COP1: variants seen among roughly 807,000 people sequenced by gnomAD.
COP1 encodes E3 ubiquitin-protein ligase COP1.
COP1 carries 24 observed loss-of-function variants against 101.3 expected under a neutral mutation model. The ratio of observed to expected loss-of-function variants is 0.24; its 90% CI spans 0.17 to 0.33. The LOEUF is 0.33. Ranked by LOEUF, COP1 falls within the 10% of genes least tolerant of loss-of-function variation. The pLI is 1.00. For synonymous variants in COP1, 347 were observed against 341.9 expected (o/e 1.01, Z -0.17); for missense variants, 663 against 906.2 (o/e 0.73, Z 3.45).
chr1:176,027,019 A>G (rs1358063349), intron 15 of COP1, among the ~76,000 whole-genome samples: 1 of 152,208 alleles, frequency 6.6e-6, no homozygotes, highest in African/African-American at 2.4e-5. Context: ...AAACACCGAC[A>G]TATGGTCACC....
At chr1:175,957,002 A>G (rs1650735353) in intron 18 of COP1, among the ~76,000 whole-genome samples, 4 of 152,216 alleles carry the variant, frequency 2.6e-5, no homozygotes, top group Admixed American at 2.6e-4. Context: ...AGCTTACAGA[A>G]TAAGGAAAAA....
chr1:175,994,769 G>C (rs1379847814), intron 15 of COP1, among the ~76,000 whole-genome samples: 3 of 152,122 alleles, frequency 2.0e-5, no homozygotes, highest in African/African-American at 7.2e-5. Flanking sequence ...CCTACAAAGA[G>C]ACTTAGACTC....
chr1:176,036,105 A>G (rs979469295), intron 14 of COP1, among the ~76,000 whole-genome samples: 1 of 152,222 alleles, frequency 6.6e-6, no homozygotes, highest in African/African-American at 2.4e-5. Context: ...AATAGCAAAT[A>G]TAATAGTAAA....
intron 11 of COP1, among the ~76,000 whole-genome samples, chr1:176,046,604 A>G (rs568306606): frequency 1.3e-5 from 2 of 152,218 alleles, no homozygotes; most frequent in East Asian, 3.9e-4. Context: ...TCTAATAACC[A>G]TATTACAGCT....
At chr1:176,011,887 A>T (rs2148957734) in intron 15 of COP1, among the ~76,000 whole-genome samples, 1 of 152,218 alleles carries the variant, frequency 6.6e-6, no homozygotes, top group Middle Eastern at 3.4e-3. Flanking sequence ...TGACAATAAA[A>T]TAAAAGTATA....
At position 176,048,145 on chromosome 1, in the gene COP1, AG is replaced by A. The variant is rs1405054944; in HGVS notation, c.1278-1822del. Among the ~76,000 whole-genome samples the A allele has an allele frequency of 5.3e-5, 8 of 151,788 alleles. No individual in the cohort carries two copies. In the East Asian group the frequency reaches 1.5e-3, roughly 29 times the overall value. On this transcript the variant is annotated intron_variant, in intron 11 of 19. Coordinates refer to ENST00000367669, the MANE Select transcript of COP1 (RefSeq NM_022457.7). The stretch of plus-strand genomic sequence containing the variant: ...CATTGATACGCCCACTTTTCTTTAC[AG>A]CTTTAAATGCTTCCTTAATTTTATA...
At chr1:175,958,031 C>A (rs897351689) in intron 18 of COP1, among the ~76,000 whole-genome samples, 3 of 151,962 alleles carry the variant, frequency 2.0e-5, no homozygotes, top group Non-Finnish European at 4.4e-5. Flanking sequence ...AGGGAGGGGA[C>A]TGATTACAAA....
At chr1:175,960,076 T>C (rs778307161) in intron 18 of COP1, among the ~76,000 whole-genome samples, 6 of 152,162 alleles carry the variant, frequency 3.9e-5, no homozygotes, top group Admixed American at 6.5e-5. Context: ...GCTTCTCTTA[T>C]AGAAAAAACA....
intron 11 of COP1, among the ~76,000 whole-genome samples, chr1:176,049,589 CCT>C (rs1672188937): frequency 6.6e-6 from 1 of 152,016 alleles, no homozygotes; most frequent in African/African-American, 2.4e-5. Flanking sequence ...CCTCAAACCA[CCT>C]TTTTTAGTGG....
At chr1:176,013,926 T>C (rs1273251663) in intron 15 of COP1, among the ~76,000 whole-genome samples, 2 of 152,216 alleles carry the variant, frequency 1.3e-5, no homozygotes, top group African/African-American at 4.8e-5. Flanking sequence ...GTATGAAAGA[T>C]TACTCAGCCC....
At chr1:175,977,333 T>C (rs1654821872) in intron 18 of COP1, among the ~76,000 whole-genome samples, 1 of 152,158 alleles carries the variant, frequency 6.6e-6, no homozygotes, top group Non-Finnish European at 1.5e-5. Flanking sequence ...TATATTTTCA[T>C]CCCACTAATC....
rs377654833 is a variant in COP1 at position 176,070,460 on chromosome 1, G to A, written c.1277+10692C>T. On this transcript the variant is annotated intron_variant, in intron 11 of 19. Transcript: ENST00000367669. ...GGTGGATCCCTGAGGTCAGGAGTTCGAGACCAGCCTGGCCAACATGGCGAA... is the reference window on the plus strand; with the variant it reads ...GGTGGATCCCTGAGGTCAGGAGTTCAAGACCAGCCTGGCCAACATGGCGAA... Among the ~76,000 whole-genome samples, 79 of 151,632 alleles carry A rather than the reference G, an allele frequency of 5.2e-4. 1 individual carries two copies. The East Asian group carries it at 0.012, about 22-fold the overall frequency.
At chr1:176,172,790 C>A (rs1021083094) in intron 3 of COP1, among the ~76,000 whole-genome samples, 5 of 152,172 alleles carry the variant, frequency 3.3e-5, no homozygotes, top group Non-Finnish European at 5.9e-5. Flanking sequence ...CATGGATCGA[C>A]ATATCTCAAT....
intron 15 of COP1, among the ~76,000 whole-genome samples, chr1:176,021,590 C>T (rs1312788760): frequency 6.6e-6 from 1 of 152,056 alleles, no homozygotes; most frequent in African/African-American, 2.4e-5. Flanking sequence ...CTTTAAAAAA[C>T]CATGTAGGCA....
At chr1:175,978,713 G>A (rs1326997370) in intron 18 of COP1, among the ~76,000 whole-genome samples, 3 of 152,020 alleles carry the variant, frequency 2.0e-5, no homozygotes, top group African/African-American at 7.2e-5. Context: ...ATTTTCTAAA[G>A]TGTTATAAAC....
chr1:176,037,663 C>T (rs1669807628), intron 14 of COP1, among the ~76,000 whole-genome samples: 1 of 152,018 alleles, frequency 6.6e-6, no homozygotes, highest in African/African-American at 2.4e-5. Flanking sequence ...AAGTCAATGA[C>T]TATAATTCAT....
At chr1:175,952,721 C>A (rs1329791521) in intron 18 of COP1, among the ~76,000 whole-genome samples, 2 of 151,936 alleles carry the variant, frequency 1.3e-5, no homozygotes, top group African/African-American at 4.8e-5. Flanking sequence ...CCAGTCTGGG[C>A]AACAGAGTAA....
Position 176,085,756 on chromosome 1 carries a change from G to A in COP1, c.1141+20C>T. The A allele has an allele frequency of 7.5e-7, 1 of 1,338,922 alleles. No individual in the cohort carries two copies. The highest frequency in any genetic ancestry group is 1.1e-6 in the Non-Finnish European group (1 of 952,376). The allele number at this position is 1,338,922 out of a possible 1,614,324, so 82.9% of individuals were successfully genotyped here. On this transcript the variant is annotated intron_variant, in intron 10 of 19. Coordinates refer to ENST00000367669, the MANE Select transcript of COP1 (RefSeq NM_022457.7). ...CTGAAATGTAGATTTCAGATAATTT[G>A]AGAAGGTCTAAATATATACCTGAGA...
At chr1:176,005,126 T>C (rs532099090) in intron 15 of COP1, among the ~76,000 whole-genome samples, 1 of 151,804 alleles carries the variant, frequency 6.6e-6, no homozygotes, top group Non-Finnish European at 1.5e-5. Context: ...CTAGATTTTC[T>C]AGTTTATTTG....
Sources: gnomAD v4.1 joint callset for allele counts (sites outside exome capture counted in the v4.1 genomes callset) on GRCh38, gnomAD v4.1.1 for gene constraint, MANE v1.5 for transcripts, NCBI Gene and HGNC (gene_info 2026-07-23, HGNC 2026-07-21) for gene names.